The following ZNF337 variants were observed in gnomAD, a reference collection of about 807,000 sequenced individuals.
The protein encoded by ZNF337 is zinc finger protein 337.
In ZNF337, 8 loss-of-function variants were observed where a neutral mutation model predicts 12.1. The observed-to-expected ratio is 0.66, with a 90% CI of 0.39 to 1.19. ZNF337 has a LOEUF of 1.19. Among genes scored for constraint, ZNF337 ranks in the 50% most tolerant of loss-of-function variants. ZNF337 has a pLI of 0.01. For missense variants in ZNF337, 882 were observed against 896.6 expected (o/e 0.98, Z 0.21); for synonymous variants, 336 against 320.0 (o/e 1.05, Z -0.53).
At position 25,675,843 on chromosome 20, in the gene ZNF337, T is replaced by A; in HGVS notation, c.1445A>T (p.His482Leu). Residue 482 changes from histidine to leucine, a missense_variant, in exon 5 of 5, where the codon CAC becomes CTC. By Grantham distance (99) the His-to-Leu change is moderately conservative (BLOSUM62 -3). Transcript: ENST00000252979. ...ACATCCATAAGGCTTCTCCTCTGAG[T>A]GTGTCCTCTGGTGTAAAGTGAAGGT... ...KSTFTLHQRT[H>L]SEEKPYGCRE... is the part of the protein sequence containing the mutation. 6.2e-7 allele frequency: 1 copy of A among 1,614,196 alleles called. No individual in the cohort carries two copies. Among genetic ancestry groups the A allele is most frequent in the Non-Finnish European group, 8.5e-7 (1 of 1,180,030 alleles).
intron 1 of ZNF337, among the ~76,000 whole-genome samples, chr20:25,692,512 G>A (rs1477929108): frequency 6.6e-6 from 1 of 152,072 alleles, no homozygotes; most frequent in East Asian, 1.9e-4. Context: ...TGCAACAAGG[G>A]AACAGAGAGA....
At chr20:25,691,616 G>A (rs2065882859) in intron 1 of ZNF337, among the ~76,000 whole-genome samples, 1 of 152,168 alleles carries the variant, frequency 6.6e-6, no homozygotes, top group South Asian at 2.1e-4. Flanking sequence ...GAGGGACAGG[G>A]TTCCATCTTG....
rs543965141 is a variant in ZNF337 at position 25,681,464 on chromosome 20, C to G, written c.250+4103G>C. On this transcript the variant is annotated intron_variant, in intron 4 of 4. Transcript: ENST00000252979. Reference sequence around the variant, plus strand: ...GAAAGAACTCCACAGTCTGTATGAACCTGCTTTTTTTGCAGACAATAGGAC... The same window carrying G: ...GAAAGAACTCCACAGTCTGTATGAAGCTGCTTTTTTTGCAGACAATAGGAC... Among the ~76,000 whole-genome samples the G allele has an allele frequency of 3.3e-5, 5 of 152,210 alleles. 1 individual carries two copies. Among genetic ancestry groups the G allele is most frequent in the African/African-American group, 9.6e-5 (4 of 41,522 alleles).
Position 25,676,280 on chromosome 20 carries a change from A to C in ZNF337, c.1008T>G (p.Val336=). 1 of 1,607,822 alleles carries C rather than the reference A, an allele frequency of 6.2e-7. No homozygotes were observed. The highest frequency in any genetic ancestry group is 8.5e-7 in the Non-Finnish European group (1 of 1,178,342). The part of the protein sequence containing the change: ...GRGYTNKSYF[V]VHKRIHSGEK... The stretch of plus-strand genomic sequence containing the variant: ...CTCCTGAGTGTATTCTCTTGTGCAC[A>C]ACGAAGTATGACTTATTAGTATAGC... Residue 336 remains valine, a synonymous_variant, in exon 5 of 5, where the codon GTT becomes GTG. Transcript: ENST00000252979.
chr20:25,683,671 C>T (rs2065794139), intron 4 of ZNF337, among the ~76,000 whole-genome samples: 2 of 152,082 alleles, frequency 1.3e-5, no homozygotes, highest in African/African-American at 2.4e-5. Context: ...CATCTCATAC[C>T]AGTTAGAATG....
At chr20:25,694,706 A>G (rs2065906274) in intron 1 of ZNF337, among the ~76,000 whole-genome samples, 1 of 152,132 alleles carries the variant, frequency 6.6e-6, no homozygotes, top group Non-Finnish European at 1.5e-5. Context: ...GAAACCATAA[A>G]ATCTCATCAG....
chr20:25,675,776 G>A lies in ZNF337; in HGVS notation c.1512C>T (p.Asn504=). Residue 504 remains asparagine, a synonymous_variant, in exon 5 of 5, where the codon AAC becomes AAT. Transcript: ENST00000252979. ...GRRFRDKSSY[N]KHLRAHLGEK... The stretch of plus-strand genomic sequence containing the variant: ...CACCCAAGTGTGCCCTCAGGTGCTT[G>A]TTATAGGAGGACTTATCCCGAAACC... The A allele has an allele frequency of 1.2e-6, 2 of 1,613,902 alleles. No homozygotes were observed. The highest frequency in any genetic ancestry group is 1.7e-6 in the Non-Finnish European group (2 of 1,179,972).
At position 25,673,666 on chromosome 20, in the gene ZNF337, A is replaced by G. The variant is rs776031489; in HGVS notation, c.*1366T>C. Among the ~76,000 whole-genome samples, 7 of 152,200 alleles carry G rather than the reference A, an allele frequency of 4.6e-5. No individual in the cohort carries two copies. Among genetic ancestry groups the G allele is most frequent in the Non-Finnish European group, 7.4e-5 (5 of 68,018 alleles). ...GCTCTGCTACAGGCCTTCAGCCCACATATTTGGGCAATAATTCTGCCTTCT... is the reference window on the plus strand; with the variant it reads ...GCTCTGCTACAGGCCTTCAGCCCACGTATTTGGGCAATAATTCTGCCTTCT... On this transcript the variant is annotated 3_prime_UTR_variant, in exon 5 of 5. Coordinates refer to ENST00000252979, the MANE Select transcript of ZNF337 (RefSeq NM_015655.4).
chr20:25,686,634 A>C (rs1011662042), intron 1 of ZNF337, 168 bp from the exon 2 acceptor site: 1 of 573,166 alleles, frequency 1.7e-6, no homozygotes, highest in Non-Finnish European at 3.1e-6. Context: ...CTGCAAATCC[A>C]GGACAAGCTC....
rs369445290 is a variant in ZNF337 at position 25,675,069 on chromosome 20, C to T, written c.2219G>A (p.Arg740His). 60 of 1,609,676 alleles carry T rather than the reference C, an allele frequency of 3.7e-5. No homozygotes were observed. In the African/African-American group the frequency reaches 7.0e-4, roughly 19 times the overall value. Residue 740 changes from arginine (R) to histidine (H), a missense_variant, in exon 5 of 5, where the codon CGT (arginine) becomes CAT (histidine). Physicochemically the swap from Arg to His is conservative, Grantham distance 29. Coordinates refer to ENST00000252979, the MANE Select transcript of ZNF337 (RefSeq NM_015655.4). Reference protein sequence around the residue: ...KHLKRHLREKRFCTGSVGEAS... With the variant: ...KHLKRHLREKHFCTGSVGEAS... ...CTCACCCACACTCCCTGTACAAAAACGCTTCTCACGTAAGTGTCTCTTTAA... is the reference window on the plus strand; with the variant it reads ...CTCACCCACACTCCCTGTACAAAAATGCTTCTCACGTAAGTGTCTCTTTAA...
intron 1 of ZNF337, among the ~76,000 whole-genome samples, chr20:25,692,886 A>G (rs1244484576): frequency 1.3e-5 from 2 of 152,202 alleles, no homozygotes; most frequent in Non-Finnish European, 2.9e-5. Context: ...GAGATGAAAA[A>G]TGTTCATATG....
chr20:25,692,445 C>A (rs2065889305), intron 1 of ZNF337, among the ~76,000 whole-genome samples: 1 of 151,894 alleles, frequency 6.6e-6, no homozygotes, highest in Non-Finnish European at 1.5e-5. Flanking sequence ...AGCCTGAAAA[C>A]AGAAAGCATG....
At position 25,673,747 on chromosome 20, in the gene ZNF337, C is replaced by T. The variant is rs2122313876; in HGVS notation, c.*1285G>A. 1 of 152,314 alleles carries T rather than the reference C, an allele frequency of 6.6e-6. No homozygotes were observed. The highest frequency in any genetic ancestry group is 1.5e-5 in the Non-Finnish European group (1 of 68,026). 9.4% of individuals were successfully genotyped at this position (152,314 alleles called of 1,614,324 possible). On this transcript the variant is annotated 3_prime_UTR_variant, in exon 5 of 5. Transcript: ENST00000252979. ...CACCAGGGAGTCCTGGTTTACTTAACCATTAACTGTTTGCTAATGGCTGAA... is the reference window on the plus strand; with the variant it reads ...CACCAGGGAGTCCTGGTTTACTTAATCATTAACTGTTTGCTAATGGCTGAA...
In ZNF337 at chr20:25,676,220, G is replaced by T. The variant is rs1302667296; in HGVS notation, c.1068C>A (p.Gly356=). Residue 356 remains glycine (G), a synonymous_variant, in exon 5 of 5, where the codon GGC becomes GGA. Transcript: ENST00000252979. The stretch of plus-strand genomic sequence containing the variant: ...TGATAAGGTGTGACTTATTGCTAAA[G>T]CCTCGGCCACACTCCTGGCATCTGT... ...KPYRCQECGR[G]FSNKSHLITH... The T allele has an allele frequency of 1.9e-6, 3 of 1,613,896 alleles. No individual in the cohort carries two copies. Among genetic ancestry groups the T allele is most frequent in the Non-Finnish European group, 2.5e-6 (3 of 1,180,016 alleles).
chr20:25,675,306 C>T lies in ZNF337; in HGVS notation c.1982G>A (p.Cys661Tyr). The stretch of plus-strand genomic sequence containing the variant: ...TCTCTTCCAGCTGAAGCCTTGCCCA[C>T]ACACATTACACACGAAGGGCTTCTC... ...SGEKPFVCNV[C>Y]GQGFSWKRSL... Residue 661 changes from cysteine to tyrosine, a missense_variant, in exon 5 of 5, where the codon TGT (cysteine) becomes TAT (tyrosine). Physicochemically the swap from Cys to Tyr is radical, Grantham distance 194. Transcript: ENST00000252979. 1 of 1,613,942 alleles carries T rather than the reference C, an allele frequency of 6.2e-7. No individual in the cohort carries two copies. The highest frequency in any genetic ancestry group is 8.5e-7 in the Non-Finnish European group (1 of 1,179,988).
intron 1 of ZNF337, among the ~76,000 whole-genome samples, chr20:25,693,691 A>G (rs1337801453): frequency 2.6e-5 from 4 of 152,196 alleles, no homozygotes; most frequent in Non-Finnish European, 5.9e-5. Flanking sequence ...TGAGCCTCAG[A>G]TGGGACAGTG....
chr20:25,684,387 A>T (rs538962730), intron 4 of ZNF337, among the ~76,000 whole-genome samples: 1 of 152,072 alleles, frequency 6.6e-6, no homozygotes, highest in East Asian at 1.9e-4. Flanking sequence ...ATTAAAAAAA[A>T]TTAAAAAAAG....
chr20:25,692,335 G>C (rs898697663), intron 1 of ZNF337, among the ~76,000 whole-genome samples: 1 of 152,132 alleles, frequency 6.6e-6, no homozygotes, highest in Non-Finnish European at 1.5e-5. Flanking sequence ...CTCTAGTTAC[G>C]TTAAAAGGCA....
chr20:25,681,925 A>G (rs2065773158), intron 4 of ZNF337, among the ~76,000 whole-genome samples: 1 of 152,222 alleles, frequency 6.6e-6, no homozygotes, highest in South Asian at 2.1e-4. Flanking sequence ...GGATGGAGAG[A>G]GCAATGCACA....
Sources: gnomAD v4.1 joint callset for allele counts (sites outside exome capture counted in the v4.1 genomes callset) on GRCh38, gnomAD v4.1.1 for gene constraint, MANE v1.5 for transcripts, NCBI Gene and HGNC (gene_info 2026-07-23, HGNC 2026-07-21) for gene names.